Variants in GPR107 observed in about 807,000 individuals in gnomAD.
GPR107 encodes G protein-coupled receptor 107, also known as protein GPR107.
GPR107 carries 31 observed loss-of-function variants against 75.5 expected under a neutral mutation model. The observed-to-expected ratio is 0.41, with a 90% CI of 0.31 to 0.55. The LOEUF is 0.55. Ranked by LOEUF, GPR107 falls within the 20% of genes least tolerant of loss-of-function variation. GPR107 has a pLI of 0.26. For synonymous variants in GPR107, 267 were observed against 251.3 expected (o/e 1.06, Z -0.59); for missense variants, 572 against 665.7 (o/e 0.86, Z 1.55).
intron 13 of GPR107, 48 bp downstream of exon 13, chr9:130,104,598 G>C (rs1185549127): frequency 2.6e-6 from 4 of 1,547,408 alleles, no homozygotes; most frequent in Non-Finnish European, 3.6e-6. Context: ...TGGCTGTCAA[G>C]CCCAATAGCT....
In GPR107 at chr9:130,107,552, G is replaced by T. The variant is rs938797283; in HGVS notation, c.1306+13G>T. 1 of 1,563,550 alleles carries T rather than the reference G, an allele frequency of 6.4e-7. No individual in the cohort carries two copies. Among genetic ancestry groups the T allele is most frequent in the East Asian group, 2.2e-5 (1 of 44,632 alleles). Reference sequence around the variant, plus strand: ...ACAGATGGAAAAGGCAAGTTCTCTCGTGCTCATTTTGTGTTGCTCAGCTTG... The same window carrying T: ...ACAGATGGAAAAGGCAAGTTCTCTCTTGCTCATTTTGTGTTGCTCAGCTTG... On this transcript the variant is annotated intron_variant, in intron 14 of 17. Coordinates refer to ENST00000347136, the MANE Select transcript of GPR107 (RefSeq NM_020960.5).
chr9:130,134,277 CG>C (rs1161361195), intron 17 of GPR107, among the ~76,000 whole-genome samples: 1 of 152,162 alleles, frequency 6.6e-6, no homozygotes, highest in Admixed American at 6.5e-5. Context: ...AGGTGGGGCC[CG>C]TGCATGTGAT....
rs71387311 is a variant in GPR107, at chr9:130,085,754, A to ATTTTTTTTTTT, written c.565-659_565-649dup. Among the ~76,000 whole-genome samples the ATTTTTTTTTTT allele has an allele frequency of 5.2e-4, 41 of 78,654 alleles. 4 individuals carry two copies. Among genetic ancestry groups the ATTTTTTTTTTT allele is most frequent in the South Asian group, 1.5e-3 (3 of 1,962 alleles). 51.6% of individuals were successfully genotyped at this position (78,654 alleles called of 152,430 possible). ...TTACTGTATAAATGGCAATATTTTG[A>ATTTTTTTTTTT]TTTTTTTTTTTTTTTTTGCCGGGGG... On this transcript the variant is annotated intron_variant, in intron 6 of 17. Coordinates refer to ENST00000347136, the MANE Select transcript of GPR107 (RefSeq NM_020960.5).
intron 17 of GPR107, among the ~76,000 whole-genome samples, chr9:130,131,372 G>T (rs1554899055): frequency 6.6e-6 from 1 of 151,976 alleles, no homozygotes; most frequent in Non-Finnish European, 1.5e-5. Flanking sequence ...CCCCACCCTG[G>T]GCATCTGCCA....
At chr9:130,082,247 A>C (rs1180041613) in intron 5 of GPR107, among the ~76,000 whole-genome samples, 1 of 152,178 alleles carries the variant, frequency 6.6e-6, no homozygotes, top group East Asian at 1.9e-4. Context: ...GGGGACAGAC[A>C]TCTAAACTAT....
chr9:130,056,924 C>CAAAAAAAAAAAAAAAAA (rs11442007), intron 1 of GPR107, among the ~76,000 whole-genome samples: 10 of 42,896 alleles, frequency 2.3e-4, no homozygotes, highest in African/African-American at 1.0e-3. Context: ...GACTCCTTCT[C>CAAAAAAAAAAAAAAAAA]AAAAAAAAAA....
intron 13 of GPR107, among the ~76,000 whole-genome samples, chr9:130,105,359 T>A (rs972745308): frequency 6.6e-6 from 1 of 152,098 alleles, no homozygotes; most frequent in African/African-American, 2.4e-5. Context: ...GTTCAAGTGA[T>A]TCTCCTGCCT....
intron 8 of GPR107, among the ~76,000 whole-genome samples, chr9:130,091,992 C>A (rs985466918): frequency 2.0e-5 from 3 of 152,064 alleles, no homozygotes; most frequent in Non-Finnish European, 4.4e-5. Flanking sequence ...CTGTGCCTGG[C>A]CCTAATTTTT....
chr9:130,085,925 A>G (rs550487819), intron 6 of GPR107, among the ~76,000 whole-genome samples: 1 of 151,618 alleles, frequency 6.6e-6, no homozygotes, highest in East Asian at 1.9e-4. Context: ...TGATTTTTGT[A>G]TTTTTAGTAG....
chr9:130,135,222 A>T lies in GPR107; in HGVS notation c.*101A>T, dbSNP rs10120673. 57,199 of 619,440 alleles carry T rather than the reference A, an allele frequency of 0.092. 3,729 individuals are homozygous for T. The highest frequency in any genetic ancestry group is 0.24 in the African/African-American group (12,700 of 53,816). 38.4% of individuals were successfully genotyped at this position (619,440 alleles called of 1,614,324 possible). On this transcript the variant is annotated 3_prime_UTR_variant, in exon 18 of 18. Coordinates refer to ENST00000347136, the MANE Select transcript of GPR107 (RefSeq NM_020960.5). ...GCTCCTACAGTGAACTATTGGCACC[A>T]CCGACAGTGACACCAGGGCACATGG... is the stretch of plus-strand genomic sequence containing the variant.
At chr9:130,058,813 C>T (rs1386245436) in intron 1 of GPR107, among the ~76,000 whole-genome samples, 10 of 152,044 alleles carry the variant, frequency 6.6e-5, no homozygotes, top group Non-Finnish European at 1.3e-4. Flanking sequence ...TTTTGAGCTT[C>T]GTTCATTTTG....
chr9:130,073,094 T>C (rs574557517), intron 1 of GPR107, among the ~76,000 whole-genome samples: 1 of 152,338 alleles, frequency 6.6e-6, no homozygotes. Context: ...GAGTGGTCAC[T>C]GTCTTCACCT....
chr9:130,107,033 T>C (rs1831175727), intron 13 of GPR107, among the ~76,000 whole-genome samples: 1 of 152,182 alleles, frequency 6.6e-6, no homozygotes, highest in African/African-American at 2.4e-5. Context: ...TTCAGCAGTG[T>C]TAAAAATCTC....
chr9:130,078,621 A>G (rs1830417584), intron 4 of GPR107, among the ~76,000 whole-genome samples: 1 of 152,122 alleles, frequency 6.6e-6, no homozygotes, highest in Non-Finnish European at 1.5e-5. Flanking sequence ...TGGCTTGCTG[A>G]TGTTAGGGAC....
intron 1 of GPR107, among the ~76,000 whole-genome samples, chr9:130,062,632 TCCTG>T (rs536746664): frequency 5.4e-4 from 74 of 137,006 alleles, no homozygotes; most frequent in African/African-American, 1.7e-3. Flanking sequence ...CTTCCTGCCT[TCCTG>T]CCTGCCTGCC....
intron 17 of GPR107, among the ~76,000 whole-genome samples, chr9:130,130,536 C>G (rs1031451335): frequency 2.6e-5 from 4 of 152,166 alleles, no homozygotes; most frequent in African/African-American, 9.7e-5. Flanking sequence ...TTCACCAGGT[C>G]TCCCCACACT....
In GPR107 at chr9:130,112,980, G is replaced by GCT. The variant is rs1483898574; in HGVS notation, c.1306+5443_1306+5444dup. On this transcript the variant is annotated intron_variant, in intron 14 of 17. Coordinates refer to ENST00000347136, the MANE Select transcript of GPR107 (RefSeq NM_020960.5). The surrounding 1 kb of genome is among the most constrained non-coding windows in gnomAD (Gnocchi z 4.0). Reference sequence around the variant, plus strand: ...GCCCAGGCTAGTCTCAAACTCCTGAGCTCAAGTGATCCACCCACCTAGGCC... The same window carrying GCT: ...GCCCAGGCTAGTCTCAAACTCCTGAGCTCTCAAGTGATCCACCCACCTAGGCC... Among the ~76,000 whole-genome samples the GCT allele has an allele frequency of 6.6e-6, 1 of 151,908 alleles. No individual in the cohort carries two copies. Among genetic ancestry groups the GCT allele is most frequent in the East Asian group, 1.9e-4 (1 of 5,172 alleles).
chr9:130,104,048 G>A (rs1219902753), intron 12 of GPR107, among the ~76,000 whole-genome samples: 3 of 152,104 alleles, frequency 2.0e-5, no homozygotes, highest in East Asian at 3.9e-4. Flanking sequence ...CTCCTGGGGG[G>A]GCCTTTCCAT....
At chr9:130,055,420 C>G (rs1829745000) in intron 1 of GPR107, among the ~76,000 whole-genome samples, 1 of 150,834 alleles carries the variant, frequency 6.6e-6, no homozygotes, top group South Asian at 2.1e-4. Context: ...CCCAGCTACT[C>G]GGGAGACTGA....
Sources: allele counts gnomAD v4.1 joint callset (sites outside exome capture counted in the v4.1 genomes callset), GRCh38; gene constraint gnomAD v4.1.1; non-coding constraint Gnocchi (gnomAD v3.1); transcripts MANE v1.5; gene names NCBI Gene and HGNC (gene_info 2026-07-23, HGNC 2026-07-21).